The following RBFOX1 variants were observed in gnomAD, a reference collection of about 807,000 sequenced individuals.
RBFOX1 encodes the protein RNA binding fox-1 homolog 1.
A neutral mutation model predicts 57.7 loss-of-function variants in RBFOX1; 8 were observed. The observed-to-expected ratio is 0.14, with a 90% CI of 0.08 to 0.25. The LOEUF (loss-of-function observed/expected upper bound fraction) is 0.25, where lower values mean the gene tolerates loss of function less well. Ranked by LOEUF, RBFOX1 falls within the 10% of genes least tolerant of loss-of-function variation. The pLI is 1.00. For missense variants in RBFOX1, 611 were observed against 548.5 expected, an observed-to-expected ratio of 1.11 and a Z score of -1.14; for synonymous variants, 326 against 222.4, an observed-to-expected ratio of 1.47 and a Z score of -4.15.
At position 5,260,624 on chromosome 16, in the gene RBFOX1, C is replaced by CAGA. The variant is rs544757341; in HGVS notation, c.219+20520_219+20521insGAA. ...GTAGAAGTCTTTACAGTTGACTGAC[C>CAGA]ATCTCATGAAAAATTTGTACAGTCA... On this transcript the variant is annotated intron_variant, in intron 1 of 2. Coordinates refer to the RBFOX1 transcript ENST00000585867. 2.6e-5 allele frequency: 4 copies of CAGA among 152,260 alleles called. No individual in the cohort carries two copies. In the East Asian group the frequency reaches 7.7e-4, roughly 29 times the overall value. 9.4% of individuals were successfully genotyped at this position (152,260 alleles called of 1,614,324 possible).
In RBFOX1 at chr16:5,351,640, A is replaced by C. The variant is rs9930042; in HGVS notation, c.219+111535A>C. On this transcript the variant is annotated intron_variant, in intron 1 of 2. Coordinates refer to the RBFOX1 transcript ENST00000585867. ...ATGGAGACCGCATGCAATGTACTCA[A>C]TGCCTGTGAGCTTAGGAATTGGTGA... Among the ~76,000 whole-genome samples the C allele has an allele frequency of 3.9e-3, 587 of 152,352 alleles. 3 individuals carry two copies. Among genetic ancestry groups the C allele is most frequent in the African/African-American group, 0.012 (517 of 41,586 alleles).
chr16:6,922,748 C>T (rs960794656), intron 3 of RBFOX1, among the ~76,000 whole-genome samples: 2 of 152,082 alleles, frequency 1.3e-5, no homozygotes, highest in Non-Finnish European at 2.9e-5. Context: ...AAACATTTTC[C>T]AGTAATTTCC....
intron 3 of RBFOX1, among the ~76,000 whole-genome samples, chr16:6,720,481 A>G (rs1171235867): frequency 1.3e-5 from 2 of 152,296 alleles, no homozygotes; most frequent in Admixed American, 6.5e-5. Flanking sequence ...TACACGACCT[A>G]TGTGTTCAAG....
At chr16:5,748,547 T>G (rs1413694653) in intron 3 of RBFOX1, among the ~76,000 whole-genome samples, 2 of 152,176 alleles carry the variant, frequency 1.3e-5, no homozygotes, top group Non-Finnish European at 2.9e-5. Flanking sequence ...TCTTTATGAA[T>G]GTGGGTGCTG....
At chr16:7,432,858 T>G (rs17143679) in intron 4 of RBFOX1, among the ~76,000 whole-genome samples, 3 of 152,182 alleles carry the variant, frequency 2.0e-5, no homozygotes, top group African/African-American at 7.2e-5. Context: ...TTTGCATTCA[T>G]GGTCATCTCT....
At position 6,565,117 on chromosome 16, in the gene RBFOX1, C is replaced by T. The variant is rs534573605; in HGVS notation, c.-63-89486C>T. Among the ~76,000 whole-genome samples, 7 of 124,486 alleles carry T rather than the reference C, an allele frequency of 5.6e-5. No individual in the cohort carries two copies. The East Asian group carries it at 1.8e-3, about 31-fold the overall frequency. The allele number at this position is 124,486 out of a possible 152,430, so 81.7% of individuals were successfully genotyped here. A position where few individuals can be genotyped will look rare whatever the true frequency, so the allele number is the denominator to read the frequency against. On this transcript the variant is annotated intron_variant, in intron 2 of 15. Coordinates refer to ENST00000550418, the MANE Select transcript of RBFOX1 (RefSeq NM_018723.4). ...CTGCACTCCAGCCTGGGTGGGGAGACTCTGTCTCCAAAAAAAAAAAAAAAA... is the reference window on the plus strand; with the variant it reads ...CTGCACTCCAGCCTGGGTGGGGAGATTCTGTCTCCAAAAAAAAAAAAAAAA...
At chr16:5,610,690 AT>A (rs1273917490) in intron 3 of RBFOX1, 1 of 85,760 alleles carries the variant, frequency 1.2e-5, no homozygotes, top group African/African-American at 2.8e-5. Context: ...AAATCAGAAA[AT>A]TAAAAAAAAA....
intron 3 of RBFOX1, among the ~76,000 whole-genome samples, chr16:5,759,478 C>T (rs1041546246): frequency 6.6e-6 from 1 of 152,230 alleles, no homozygotes; most frequent in Non-Finnish European, 1.5e-5. Context: ...TGTATCAGGG[C>T]ATTCAAATGC....
chr16:5,650,557 T>G (rs979798975), intron 3 of RBFOX1, among the ~76,000 whole-genome samples: 4 of 152,170 alleles, frequency 2.6e-5, no homozygotes. Context: ...GGCTTTTAAG[T>G]GTGAAAGGGG....
chr16:6,434,058 G>A (rs752570993), intron 2 of RBFOX1, among the ~76,000 whole-genome samples: 2 of 151,964 alleles, frequency 1.3e-5, no homozygotes, highest in African/African-American at 2.4e-5. Flanking sequence ...ATGTTGGTCA[G>A]GCTGGTCTTG....
At chr16:6,586,073 A>G (rs117567432) in intron 2 of RBFOX1, among the ~76,000 whole-genome samples, 1 of 152,196 alleles carries the variant, frequency 6.6e-6, no homozygotes, top group African/African-American at 2.4e-5. Flanking sequence ...GTTATGCTTA[A>G]TTTGAAATGC....
chr16:6,674,714 G>C (rs766349527), intron 3 of RBFOX1, among the ~76,000 whole-genome samples: 2 of 152,052 alleles, frequency 1.3e-5, no homozygotes, highest in Non-Finnish European at 2.9e-5. Context: ...AGACTGGAGA[G>C]ATGCACATAC....
At chr16:7,009,502 C>A (rs990717736) in intron 3 of RBFOX1, among the ~76,000 whole-genome samples, 6 of 151,954 alleles carry the variant, frequency 3.9e-5, no homozygotes, top group African/African-American at 9.7e-5. Context: ...GAAGATTAAT[C>A]AATCCAACAG....
At chr16:6,394,742 A>T (rs556024800) in intron 2 of RBFOX1, among the ~76,000 whole-genome samples, 92 of 152,126 alleles carry the variant, frequency 6.0e-4, no homozygotes, top group African/African-American at 1.9e-3. Context: ...CTCTGTGATT[A>T]GGTTCTTAGC....
At chr16:6,921,637 ATATATATAT>A (rs1374719967) in intron 3 of RBFOX1, among the ~76,000 whole-genome samples, 2 of 60,924 alleles carry the variant, frequency 3.3e-5, no homozygotes, top group African/African-American at 7.1e-5. Context: ...ATATATATAT[ATATATATAT>A]TTTTTTTTTT....
chr16:7,046,603 CTTTTTTTT>C (rs59921108), intron 3 of RBFOX1, among the ~76,000 whole-genome samples: 4 of 85,012 alleles, frequency 4.7e-5, no homozygotes, highest in Non-Finnish European at 8.7e-5. Context: ...TGTGTTTTAT[CTTTTTTTT>C]TTTTTTTTTT....
At chr16:7,270,638 A>G (rs1194979724) in intron 4 of RBFOX1, among the ~76,000 whole-genome samples, 2 of 152,166 alleles carry the variant, frequency 1.3e-5, no homozygotes, top group African/African-American at 4.8e-5. Flanking sequence ...AAAATACTAA[A>G]TCAGTTGCTA....
chr16:7,013,839 G>T (rs111602177), intron 3 of RBFOX1, among the ~76,000 whole-genome samples: 34 of 152,174 alleles, frequency 2.2e-4, no homozygotes, highest in African/African-American at 8.2e-4. Flanking sequence ...TTAAAAACTT[G>T]TAGAAATGGG....
chr16:6,349,687 T>C (rs1450360903), intron 2 of RBFOX1, among the ~76,000 whole-genome samples: 2 of 152,148 alleles, frequency 1.3e-5, no homozygotes, highest in Non-Finnish European at 2.9e-5. Flanking sequence ...GCATTAACAA[T>C]GGGAGCTAAA....
Sources: allele counts gnomAD v4.1 joint callset (sites outside exome capture counted in the v4.1 genomes callset), GRCh38; gene constraint gnomAD v4.1.1; transcripts MANE v1.5; gene names NCBI Gene and HGNC (gene_info 2026-07-23, HGNC 2026-07-21).